Variants in TDRD1 observed in about 807,000 individuals in gnomAD.
The protein encoded by TDRD1 is tudor domain containing 1.
TDRD1 carries 37 observed loss-of-function variants against 140.6 expected under a neutral mutation model. The ratio of observed to expected loss-of-function variants is 0.26; its 90% CI spans 0.20 to 0.35. TDRD1 has a LOEUF of 0.35. Ranked by LOEUF, TDRD1 falls within the 10% of genes least tolerant of loss-of-function variation. The pLI, the probability that TDRD1 is intolerant of heterozygous loss-of-function variation, is 1.00. For missense variants in TDRD1, 1,243 were observed against 1,393.0 expected (o/e 0.89, Z 1.71); for synonymous variants, 506 against 475.7 (o/e 1.06, Z -0.83).
At position 114,222,709 on chromosome 10, in the gene TDRD1, G is replaced by C; in HGVS notation, c.3007+6G>C. On this transcript the variant is annotated splice_donor_region_variant and intron_variant, in intron 21 of 25. Transcript: ENST00000251864. ...ATGCTGTGCCAAATACACAAGTAAG[G>C]TTCTTTTAGGGAAAATATTTGAGGG... The C allele has an allele frequency of 1.3e-6, 2 of 1,489,100 alleles. No homozygotes were observed. Among genetic ancestry groups the C allele is most frequent in the Non-Finnish European group, 1.9e-6 (2 of 1,072,696 alleles). 92.2% of individuals were successfully genotyped at this position (1,489,100 alleles called of 1,614,324 possible). A position where few individuals can be genotyped will look rare whatever the true frequency, so the allele number is the denominator to read the frequency against.
chr10:114,201,155 C>T (rs759315953), intron 4 of TDRD1, among the ~76,000 whole-genome samples: 9 of 152,008 alleles, frequency 5.9e-5, no homozygotes, highest in African/African-American at 7.2e-5. Context: ...TGCACCTGGC[C>T]GCTTGCTGCT....
At chr10:114,196,209 G>T (rs1337789296) in intron 3 of TDRD1, among the ~76,000 whole-genome samples, 1 of 152,158 alleles carries the variant, frequency 6.6e-6, no homozygotes, top group Non-Finnish European at 1.5e-5. Context: ...CTCACAAAGT[G>T]CTGGGATTAC....
Position 114,190,997 on chromosome 10 carries a change from C to T in TDRD1, c.362C>T (p.Ser121Leu), listed in dbSNP as rs574758042. The T allele has an allele frequency of 3.2e-5, 52 of 1,613,974 alleles. No individual in the cohort carries two copies. Among genetic ancestry groups the T allele is most frequent in the South Asian group, 3.2e-4 (29 of 91,062 alleles). The change falls in exon 3 of 26, where the codon TCA (serine) becomes TTA (leucine). Residue 121 changes from serine to leucine, a missense_variant. Ser to Leu is a moderately radical substitution (Grantham distance 145). This residue lies in a region of TDRD1 where 237 missense variants were observed against 215.5 expected (regional missense o/e 1.10). Coordinates refer to ENST00000251864, the Ensembl canonical transcript of TDRD1. Reference sequence around the variant, plus strand: ...TCACCACCAAGTGCTGAAAGTAATTCACCACCCAAAGAAGTGAATATTGTA... The same window carrying T: ...TCACCACCAAGTGCTGAAAGTAATTTACCACCCAAAGAAGTGAATATTGTA...
chr10:114,209,361 G>C (rs2035336149), intron 11 of TDRD1, among the ~76,000 whole-genome samples: 1 of 152,132 alleles, frequency 6.6e-6, no homozygotes, highest in Non-Finnish European at 1.5e-5. Context: ...CTTAAGCCTG[G>C]AGATAGAGAA....
intron 1 of TDRD1, among the ~76,000 whole-genome samples, chr10:114,184,807 AAAG>A (rs2033387898): frequency 6.6e-6 from 1 of 152,204 alleles, no homozygotes; most frequent in South Asian, 2.1e-4. Flanking sequence ...CTTTTAAACT[AAAG>A]AAACTCTTCA....
At chr10:114,197,761 G>A (rs1318850381) in intron 3 of TDRD1, among the ~76,000 whole-genome samples, 1 of 151,666 alleles carries the variant, frequency 6.6e-6, no homozygotes, top group Non-Finnish European at 1.5e-5. Context: ...GGGTTCAAGC[G>A]ATCCTTGTGC....
intron 23 of TDRD1, among the ~76,000 whole-genome samples, chr10:114,227,516 A>G (rs2036506264): frequency 6.6e-6 from 1 of 152,234 alleles, no homozygotes; most frequent in Admixed American, 6.5e-5. Flanking sequence ...CAGACTTGTC[A>G]GCACTGCTGT....
At chr10:114,182,337 C>CT (rs1248512286) in intron 1 of TDRD1, among the ~76,000 whole-genome samples, 1 of 152,082 alleles carries the variant, frequency 6.6e-6, no homozygotes, top group East Asian at 1.9e-4. Context: ...TCTATTTGCC[C>CT]TGGGTGTTGT....
chr10:114,226,943 G>T, intron 22 of TDRD1, 129 bp from the exon 23 acceptor site: 1 of 603,644 alleles, frequency 1.7e-6, no homozygotes, highest in South Asian at 2.1e-5. Context: ...TGCAACAGCA[G>T]TAGTACATCA....
At chr10:114,217,808 T>G (rs111553987) in intron 17 of TDRD1, among the ~76,000 whole-genome samples, 153 bp downstream of exon 17, 50 of 152,342 alleles carry the variant, frequency 3.3e-4, no homozygotes, top group Middle Eastern at 3.4e-3. Context: ...TTCCTTCTCT[T>G]TGTAACAAGG....
In TDRD1 at chr10:114,213,325, T is replaced by C. The variant is rs375136306; in HGVS notation, c.1832-21T>C. The C allele has an allele frequency of 3.1e-6, 5 of 1,595,278 alleles. No homozygotes were observed. The African/African-American group carries it at 6.7e-5, about 22-fold the overall frequency. ...AATGCTTTCAGAATAATTGTAACAT[T>C]CATTCAAAATTCTTTGTTAGGAGTA... On this transcript the variant is annotated intron_variant, in intron 14 of 25. Transcript: ENST00000251864.
upstream of TDRD1, among the ~76,000 whole-genome samples, chr10:114,178,460 T>C (rs2032773529): frequency 6.6e-6 from 1 of 152,202 alleles, no homozygotes; most frequent in African/African-American, 2.4e-5. Context: ...CTAGGCATCA[T>C]CATTAATCTT....
chr10:114,221,152 T>C (rs137916395), intron 19 of TDRD1, among the ~76,000 whole-genome samples: 2 of 152,358 alleles, frequency 1.3e-5, no homozygotes, highest in African/African-American at 4.8e-5. Flanking sequence ...AAGGATTTCA[T>C]TGTAGACTGA....
exon 26 of TDRD1, chr10:114,231,586 C>T (rs1033851635): frequency 1.5e-6 from 2 of 1,305,508 alleles, no homozygotes; most frequent in South Asian, 1.4e-5. Context: ...TTATGAGAAC[C>T]TTTTCTTTGT....
Position 114,220,559 on chromosome 10 carries a change from A to G in TDRD1, c.2495-9A>G, listed in dbSNP as rs1446836825. ...TAGGATTCTTTTTACTGCTGTCCTT[A>G]TTTTCTAGATATACAGTCTAGAAAC... On this transcript the variant is annotated splice_polypyrimidine_tract_variant and intron_variant, in intron 18 of 25. Coordinates refer to ENST00000251864, the Ensembl canonical transcript of TDRD1. The G allele has an allele frequency of 6.2e-7, 1 of 1,603,702 alleles. No individual in the cohort carries two copies. Among genetic ancestry groups the G allele is most frequent in the Admixed American group, 1.7e-5 (1 of 59,578 alleles).
At chr10:114,206,938 A>G (rs891093904) in intron 11 of TDRD1, among the ~76,000 whole-genome samples, 5 of 142,950 alleles carry the variant, frequency 3.5e-5, no homozygotes, top group African/African-American at 1.3e-4. Flanking sequence ...TTTAGCTCAC[A>G]TTTTCTTAGT....
At chr10:114,229,714 A>C (rs1164021339) in intron 25 of TDRD1, among the ~76,000 whole-genome samples, 2 of 151,644 alleles carry the variant, frequency 1.3e-5, no homozygotes, top group South Asian at 2.1e-4. Context: ...ACACCCGGCT[A>C]ATCTTAAACT....
chr10:114,188,811 C>T (rs548082239), intron 2 of TDRD1, among the ~76,000 whole-genome samples: 15 of 148,572 alleles, frequency 1.0e-4, no homozygotes, highest in Non-Finnish European at 2.1e-4. Context: ...GAGCTGACAT[C>T]GTGCCACTGT....
At chr10:114,186,421 G>A (rs1215215762) in intron 1 of TDRD1, among the ~76,000 whole-genome samples, 3 of 152,110 alleles carry the variant, frequency 2.0e-5, no homozygotes, top group African/African-American at 7.2e-5. Flanking sequence ...CCGCCACCAC[G>A]CCTGGCTAAT....
Sources: allele counts gnomAD v4.1 joint callset (sites outside exome capture counted in the v4.1 genomes callset), GRCh38; gene constraint gnomAD v4.1.1; regional missense constraint gnomAD v4.1.1; transcripts MANE v1.5; gene names NCBI Gene and HGNC (gene_info 2026-07-23, HGNC 2026-07-21).